PCDH11X: variants seen among roughly 807,000 people sequenced by gnomAD.
The protein encoded by PCDH11X is protocadherin 11 X-linked, also known as protocadherin-11 X-linked.
PCDH11X carries 18 observed loss-of-function variants against 53.3 expected under a neutral mutation model. The ratio of observed to expected loss-of-function variants is 0.34; its 90% CI spans 0.23 to 0.50. PCDH11X has a LOEUF of 0.50. Among genes scored for constraint, PCDH11X ranks in the 20% least tolerant of loss-of-function variants. The probability of loss-of-function intolerance (pLI) is 0.98; values close to 1 mark genes in which losing one functional copy is unlikely to be tolerated. For missense variants in PCDH11X, 570 were observed against 1,032.4 expected (o/e 0.55, Z 6.14); for synonymous variants, 279 against 393.3 (o/e 0.71, Z 3.44).
intron 6 of PCDH11X, among the ~76,000 whole-genome samples, chrX:91,992,113 T>A (rs1189762465): frequency 1.9e-5 from 2 of 107,424 alleles, no homozygotes; most frequent in African/African-American, 6.8e-5. Context: ...CTCCTTATTT[T>A]TTTTTTAAAT....
intron 6 of PCDH11X, among the ~76,000 whole-genome samples, chrX:92,132,210 G>A (rs1426523517): frequency 5.5e-5 from 5 of 90,946 alleles, no homozygotes; most frequent in South Asian, 1.2e-3. Context: ...ACTTGAACCC[G>A]GGAGGCAGAG....
intron 6 of PCDH11X, among the ~76,000 whole-genome samples, chrX:92,094,163 GTGTGTGTGTGTGTA>G (rs1251549349): frequency 2.0e-5 from 2 of 102,427 alleles, no homozygotes; most frequent in Non-Finnish European, 3.9e-5. Context: ...GTGTGTGTGT[GTGTGTGTGTGTGTA>G]TATATATATA....
At chrX:91,832,814 T>A (rs1247447403) in intron 4 of PCDH11X, among the ~76,000 whole-genome samples, 2 of 110,969 alleles carry the variant, frequency 1.8e-5, no homozygotes, top group African/African-American at 6.6e-5. Flanking sequence ...TTTTGGGGGG[T>A]TATCCCAGGA....
At chrX:92,468,062 C>T (rs2073190783) in intron 9 of PCDH11X, 1 of 142,542 alleles carries the variant, frequency 7.0e-6, no homozygotes, top group South Asian at 3.0e-4. Flanking sequence ...ATCATTACTT[C>T]CCAGGAAGCC....
chrX:91,823,245 A>C (rs1308333490), intron 4 of PCDH11X, among the ~76,000 whole-genome samples: 29 of 110,717 alleles, frequency 2.6e-4, no homozygotes, highest in South Asian at 7.7e-4. Context: ...CTTTCTGTCT[A>C]GTTGATCTGT....
At chrX:92,133,085 A>G (rs1603016738) in intron 6 of PCDH11X, among the ~76,000 whole-genome samples, 1 of 111,201 alleles carries the variant, frequency 9.0e-6, no homozygotes, top group East Asian at 2.8e-4. Context: ...AATTAATGAC[A>G]TTGCACATTC....
intron 5 of PCDH11X, among the ~76,000 whole-genome samples, chrX:91,867,065 G>A: frequency 9.0e-6 from 1 of 111,460 alleles, no homozygotes; most frequent in Non-Finnish European, 1.9e-5. Context: ...GCTGAATATT[G>A]TGCCATAAAA....
intron 6 of PCDH11X, chrX:92,114,455 C>T (rs999251589): frequency 2.7e-5 from 19 of 695,654 alleles, no homozygotes; most frequent in Non-Finnish European, 4.4e-5. Flanking sequence ...TCCTGGCTTA[C>T]AGACATGATC....
chrX:92,100,745 G>A (rs764664092), intron 6 of PCDH11X, among the ~76,000 whole-genome samples: 5 of 108,900 alleles, frequency 4.6e-5, no homozygotes, highest in Non-Finnish European at 7.5e-5. Context: ...GTGTTGGGAC[G>A]GTGAAAATTT....
chrX:92,215,779 G>A (rs1029214040), intron 7 of PCDH11X, among the ~76,000 whole-genome samples: 6 of 106,770 alleles, frequency 5.6e-5, no homozygotes, highest in Admixed American at 1.0e-4. Flanking sequence ...CCTGACTCCC[G>A]AGCAGCCTAA....
Position 91,904,687 on chromosome X carries a change from A to G in PCDH11X, c.3033+25414A>G, listed in dbSNP as rs185277143. 1.6e-3 allele frequency among the ~76,000 whole-genome samples: 173 copies of G among 110,987 alleles called. 3 individuals carry two copies. The East Asian group carries it at 0.042, about 27-fold the overall frequency. On this transcript the variant is annotated intron_variant, in intron 6 of 10. Coordinates refer to ENST00000682573, the MANE Select transcript of PCDH11X (RefSeq NM_032968.5). ...GTGCTCATTTTTTATTTTATTAAAT[A>G]CTCTTCTCAAATAGGATGTTTGATA...
At chrX:91,840,349 A>G (rs1269554891) in intron 5 of PCDH11X, among the ~76,000 whole-genome samples, 1 of 111,641 alleles carries the variant, frequency 9.0e-6, no homozygotes, top group Non-Finnish European at 1.9e-5. Context: ...TTTTGTTGAC[A>G]GAACATGAAG....
chrX:91,920,198 T>C (rs1184017432), intron 6 of PCDH11X, among the ~76,000 whole-genome samples: 1 of 111,357 alleles, frequency 9.0e-6, no homozygotes, highest in African/African-American at 3.3e-5. Flanking sequence ...CTCCAGAGCA[T>C]GTTAGAGCAC....
At chrX:92,592,834 A>G (rs1369031179) in intron 10 of PCDH11X, among the ~76,000 whole-genome samples, 2 of 112,092 alleles carry the variant, frequency 1.8e-5, no homozygotes, top group East Asian at 5.6e-4. Flanking sequence ...AGCTCCATAG[A>G]TAATGGAGCT....
chrX:92,416,669 A>G (rs1193376700), intron 9 of PCDH11X, among the ~76,000 whole-genome samples: 1 of 110,914 alleles, frequency 9.0e-6, no homozygotes, highest in Non-Finnish European at 1.9e-5. Flanking sequence ...CCATTACCCT[A>G]ATTTGATCAT....
rs376268894 is a variant in PCDH11X at position 92,145,038 on chromosome X, A to G, written c.3034-56337A>G. Among the ~76,000 whole-genome samples, 6 of 111,591 alleles carry G rather than the reference A, an allele frequency of 5.4e-5. No homozygotes were observed. The East Asian group carries it at 1.7e-3, about 31-fold the overall frequency. Reference sequence around the variant, plus strand: ...TCTATTTGGATTGCTTTGTCTATTAAAACCATTACAAAATTACCATAGTGT... The same window carrying G: ...TCTATTTGGATTGCTTTGTCTATTAGAACCATTACAAAATTACCATAGTGT... On this transcript the variant is annotated intron_variant, in intron 6 of 10. Transcript: ENST00000682573.
chrX:92,049,592 A>G (rs1373762382), intron 6 of PCDH11X, among the ~76,000 whole-genome samples: 1 of 111,437 alleles, frequency 9.0e-6, no homozygotes, highest in Non-Finnish European at 1.9e-5. Flanking sequence ...TTAAAATTGT[A>G]TTTATGGATA....
At chrX:92,215,428 G>A (rs1439191907) in intron 7 of PCDH11X, among the ~76,000 whole-genome samples, 5 of 98,265 alleles carry the variant, frequency 5.1e-5, no homozygotes, top group Non-Finnish European at 1.0e-4. Flanking sequence ...AAGGTCCTAT[G>A]CCCACGGAGT....
intron 8 of PCDH11X, 54 bp downstream of exon 8, chrX:92,263,197 T>C: frequency 9.7e-7 from 1 of 1,032,300 alleles, no homozygotes; most frequent in Admixed American, 2.7e-5. Context: ...GTTTATACTG[T>C]GTGAAGCTAC....
Sources: allele counts gnomAD v4.1 joint callset (sites outside exome capture counted in the v4.1 genomes callset), GRCh38; gene constraint gnomAD v4.1.1; transcripts MANE v1.5; gene names NCBI Gene and HGNC (gene_info 2026-07-23, HGNC 2026-07-21).